LHX4: variants seen among roughly 807,000 people sequenced by gnomAD.
The protein encoded by LHX4 is LIM/homeobox protein Lhx4.
Under a neutral mutation model 39.2 loss-of-function variants are expected in LHX4, and 16 were observed. The observed-to-expected ratio is 0.41, with a 90% CI of 0.28 to 0.62. The LOEUF (loss-of-function observed/expected upper bound fraction) is 0.62. Ranked by LOEUF, LHX4 falls within the 20% of genes least tolerant of loss-of-function variation. LHX4 has a pLI of 0.33. For missense variants in LHX4, 439 were observed against 511.9 expected (o/e 0.86, Z 1.37); for synonymous variants, 206 against 198.1 (o/e 1.04, Z -0.33).
At position 180,274,651 on chromosome 1, in the gene LHX4, C is replaced by T. The variant is rs544419836; in HGVS notation, c.*72C>T. On this transcript the variant is annotated 3_prime_UTR_variant, in exon 6 of 6. Coordinates refer to ENST00000263726, the MANE Select transcript of LHX4 (RefSeq NM_033343.4). ...TCTTCAAGGATCAAAAGAGACTTGC[C>T]TTTTAAGGATCGAAAGTACGCCAAT... 1.4e-6 allele frequency: 2 copies of T among 1,464,022 alleles called. No homozygotes were observed. The highest frequency in any genetic ancestry group is 1.4e-5 in the South Asian group (1 of 72,502). 90.7% of individuals were successfully genotyped at this position (1,464,022 alleles called of 1,614,324 possible).
At chr1:180,235,185 CT>C (rs1337782900) in intron 1 of LHX4, among the ~76,000 whole-genome samples, 2 of 152,264 alleles carry the variant, frequency 1.3e-5, no homozygotes, top group African/African-American at 4.8e-5. Context: ...CCCCGGTGCG[CT>C]GCAATAGAGG....
At chr1:180,248,517 G>A (rs1456530530) in intron 2 of LHX4, 61 bp downstream of exon 2, 4 of 1,590,098 alleles carry the variant, frequency 2.5e-6, no homozygotes, top group African/African-American at 1.3e-5. Context: ...CAAGCAGTGA[G>A]GGGGAAGTTT....
In LHX4 at chr1:180,266,387, G is replaced by A. The variant is rs745366962; in HGVS notation, c.249-5G>A. 1 of 1,614,088 alleles carries A rather than the reference G, an allele frequency of 6.2e-7. No homozygotes were observed. The highest frequency in any genetic ancestry group is 1.7e-4 in the Middle Eastern group (1 of 6,046). ...TGCCCTAATCCTTTCCTGCTGCCCT[G>A]ACAGGCGCTTCGGCACAAAATGCAC... On this transcript the variant is annotated splice_region_variant and splice_polypyrimidine_tract_variant and intron_variant, in intron 2 of 5. Transcript: ENST00000263726. This position sits in a 1 kb window ranked among gnomAD's most constrained non-coding sequence, Gnocchi z 5.7.
intron 2 of LHX4, among the ~76,000 whole-genome samples, chr1:180,255,021 G>A (rs1271383858): frequency 6.6e-6 from 1 of 152,228 alleles, no homozygotes. Flanking sequence ...CCTTCAGTGA[G>A]GAGCCGGCCT....
intron 2 of LHX4, among the ~76,000 whole-genome samples, chr1:180,255,397 C>A (rs536717849): frequency 6.6e-6 from 1 of 152,196 alleles, no homozygotes; most frequent in Non-Finnish European, 1.5e-5. Flanking sequence ...CGCACACACG[C>A]GTGCACACAC....
intron 1 of LHX4, among the ~76,000 whole-genome samples, chr1:180,247,340 T>C (rs1439813381): frequency 6.6e-6 from 1 of 152,186 alleles, no homozygotes; most frequent in Non-Finnish European, 1.5e-5. Context: ...TGAAAAGTGA[T>C]TACTCATCAG....
chr1:180,261,920 G>C (rs1648128679), intron 2 of LHX4, among the ~76,000 whole-genome samples: 1 of 152,192 alleles, frequency 6.6e-6, no homozygotes, highest in Non-Finnish European at 1.5e-5. Flanking sequence ...GGAATTAACA[G>C]ATCAGAATGT....
At chr1:180,239,703 C>A (rs1450942057) in intron 1 of LHX4, among the ~76,000 whole-genome samples, 4 of 152,212 alleles carry the variant, frequency 2.6e-5, no homozygotes, top group Admixed American at 2.6e-4. Context: ...CGTAGGGAAG[C>A]CCCTTATTCT....
rs1648955903 is a variant in LHX4, at chr1:180,275,218, T to C, written c.*639T>C. The C allele has an allele frequency of 6.6e-6, 1 of 152,240 alleles. No homozygotes were observed. The highest frequency in any genetic ancestry group is 2.4e-5 in the African/African-American group (1 of 41,460). 9.4% of individuals were successfully genotyped at this position (152,240 alleles called of 1,614,324 possible). On this transcript the variant is annotated 3_prime_UTR_variant, in exon 6 of 6. Transcript: ENST00000263726. ...AGAGAATATGAACCTGTTTTGGTTT[T>C]TAAGTGTCCCATCTATATCATTGAC...
At position 180,271,911 on chromosome 1, in the gene LHX4, A is replaced by G. The variant is rs758543485; in HGVS notation, c.683A>G (p.Tyr228Cys). ...GGGCGGCACCGCTGGGGGCAGTTCT[A>G]TAAGAGCGTCAAGAGGAGCCGGGGC... ...DAGRHRWGQFYKSVKRSRGSS... is the reference protein window; with the variant it reads ...DAGRHRWGQFCKSVKRSRGSS... Residue 228 changes from tyrosine to cysteine, a missense_variant, in exon 5 of 6, where the codon TAT (tyrosine) becomes TGT (cysteine). Tyr to Cys is a radical substitution (Grantham distance 194, BLOSUM62 -2). Transcript: ENST00000263726. 1.6e-5 allele frequency: 26 copies of G among 1,613,474 alleles called. No homozygotes were observed. The highest frequency in any genetic ancestry group is 8.9e-5 in the East Asian group (4 of 44,798).
chr1:180,259,527 C>T (rs1648016350), intron 2 of LHX4, among the ~76,000 whole-genome samples: 2 of 151,460 alleles, frequency 1.3e-5, no homozygotes, highest in Admixed American at 1.3e-4. Flanking sequence ...AGGGTCCAAG[C>T]CGGGCTTCCC....
intron 2 of LHX4, among the ~76,000 whole-genome samples, chr1:180,255,388 G>A (rs138582674): frequency 1.4e-4 from 21 of 152,236 alleles, no homozygotes; most frequent in African/African-American, 2.6e-4. Flanking sequence ...ATACACACAC[G>A]CACACACGCG....
intron 1 of LHX4, among the ~76,000 whole-genome samples, chr1:180,236,819 T>C (rs1664331239): frequency 6.6e-6 from 1 of 152,130 alleles, no homozygotes; most frequent in African/African-American, 2.4e-5. Flanking sequence ...AAAGGAGTAA[T>C]ATTACCCACT....
chr1:180,265,313 T>C (rs1648266636), intron 2 of LHX4, among the ~76,000 whole-genome samples: 1 of 152,230 alleles, frequency 6.6e-6, no homozygotes, highest in African/African-American at 2.4e-5. Context: ...TTTTAAACTC[T>C]GCCCTTGCTT....
intron 2 of LHX4, among the ~76,000 whole-genome samples, chr1:180,256,484 G>T (rs534615716): frequency 6.6e-6 from 1 of 152,194 alleles, no homozygotes; most frequent in Non-Finnish European, 1.5e-5. Flanking sequence ...CAGCCTGGGG[G>T]CCTCTCTCCC....
intron 5 of LHX4, chr1:180,273,859 C>T (rs1571299272): frequency 2.7e-6 from 1 of 367,114 alleles, no homozygotes; most frequent in Non-Finnish European, 5.1e-6. Flanking sequence ...ACATCTGACC[C>T]ACCCAGCCTT....
At chr1:180,243,172 A>G (rs796149584) in intron 1 of LHX4, among the ~76,000 whole-genome samples, 4 of 152,068 alleles carry the variant, frequency 2.6e-5, no homozygotes, top group African/African-American at 9.6e-5. Context: ...TTTTTTTAGT[A>G]GAGACGGGAT....
At chr1:180,229,965 G>GGCGGAGGCGGAGGGGGGGGC (rs1491546115), upstream of LHX4, among the ~76,000 whole-genome samples, 6 of 12,170 alleles carry the variant, frequency 4.9e-4, 1 homozygote, top group Non-Finnish European at 1.6e-3. Flanking sequence ...GAGGCGGGGA[G>GGCGGAGGCGGAGGGGGGGGC]GGGGGGGGGG....
chr1:180,263,625 C>T (rs978870903), intron 2 of LHX4, among the ~76,000 whole-genome samples: 16 of 152,206 alleles, frequency 1.1e-4, no homozygotes, highest in East Asian at 1.9e-4. Context: ...TGCTAAAAAA[C>T]GCTGGTGGGG....
Sources: allele counts gnomAD v4.1 joint callset (sites outside exome capture counted in the v4.1 genomes callset), GRCh38; gene constraint gnomAD v4.1.1; non-coding constraint Gnocchi (gnomAD v3.1); transcripts MANE v1.5; gene names NCBI Gene and HGNC (gene_info 2026-07-23, HGNC 2026-07-21).